ZNF428: variants seen among roughly 807,000 people sequenced by gnomAD.
ZNF428 encodes the protein zinc finger protein 428, also known as enzyme-like protein PIT13.
Under a neutral mutation model 15.6 loss-of-function variants are expected in ZNF428, and 5 were observed. That is an observed-to-expected ratio of 0.32 (90% CI 0.17 to 0.67). The LOEUF is 0.67. Ranked by LOEUF, ZNF428 falls within the 30% of genes least tolerant of loss-of-function variation. ZNF428 has a pLI of 0.73. For synonymous variants in ZNF428, 97 were observed against 102.2 expected, an observed-to-expected ratio of 0.95 and a Z score of 0.31; for missense variants, 237 against 256.0, an observed-to-expected ratio of 0.93 and a Z score of 0.51.
intron 2 of ZNF428, chr19:43,613,180 C>T (rs1388570970): frequency 2.6e-6 from 4 of 1,551,704 alleles, no homozygotes; most frequent in Non-Finnish European, 3.5e-6. Context: ...GAAGAAGTCA[C>T]AACTGGTCTA....
intron 2 of ZNF428, among the ~76,000 whole-genome samples, chr19:43,611,234 T>C (rs991427605): frequency 2.6e-5 from 4 of 152,036 alleles, no homozygotes; most frequent in African/African-American, 9.7e-5. Flanking sequence ...GCAGAGGACG[T>C]GTGGGTGAGT....
In ZNF428 at chr19:43,612,301, C is replaced by T; in HGVS notation, c.76+1928G>A. The stretch of plus-strand genomic sequence containing the variant: ...CCCGTAACTCAGTCATGAGCCCAAG[C>T]AGTTCCAAGTCCACCAAATCGACCA... On this transcript the variant is annotated intron_variant, in intron 2 of 2. Coordinates refer to ENST00000300811, the MANE Select transcript of ZNF428 (RefSeq NM_182498.4). This position sits in a 1 kb window ranked among gnomAD's most constrained non-coding sequence, Gnocchi z 4.2. 1 of 1,551,748 alleles carries T rather than the reference C, an allele frequency of 6.4e-7. No homozygotes were observed. Among genetic ancestry groups the T allele is most frequent in the Non-Finnish European group, 8.7e-7 (1 of 1,147,004 alleles).
rs1973247427 is a variant in ZNF428 at position 43,607,321 on chromosome 19, T to A, written c.*296A>T. On this transcript the variant is annotated 3_prime_UTR_variant, in exon 3 of 3. Transcript: ENST00000300811. The surrounding 1 kb of genome is among the most constrained non-coding windows in gnomAD (Gnocchi z 5.1). ...ATCGAATACAAGCACGCAGTAAATG[T>A]TATCTTTCCCAAAAGACCCCAAGGT... 5.3e-6 allele frequency: 2 copies of A among 378,120 alleles called. No individual in the cohort carries two copies. Among genetic ancestry groups the A allele is most frequent in the Non-Finnish European group, 9.4e-6 (2 of 211,868 alleles). The allele number at this position is 378,120 out of a possible 1,614,324, so 23.4% of individuals were successfully genotyped here. A position where few individuals can be genotyped will look rare whatever the true frequency, so the allele number is the denominator to read the frequency against.
In ZNF428 at chr19:43,619,162, A is replaced by G. The variant is rs566155788; in HGVS notation, c.-131+396T>C. 2.6e-5 allele frequency among the ~76,000 whole-genome samples: 4 copies of G among 152,296 alleles called. No homozygotes were observed. In the East Asian group the frequency reaches 7.7e-4, roughly 29 times the overall value. On this transcript the variant is annotated intron_variant, in intron 1 of 2. Transcript: ENST00000300811. Reference sequence around the variant, plus strand: ...GGGACAATAACGGCCAGTTCCCACAATTCGTTGTGGCAGTTCTTCCCAGGA... The same window carrying G: ...GGGACAATAACGGCCAGTTCCCACAGTTCGTTGTGGCAGTTCTTCCCAGGA...
chr19:43,612,058 C>A lies in ZNF428; in HGVS notation c.76+2171G>T. On this transcript the variant is annotated intron_variant, in intron 2 of 2. Transcript: ENST00000300811. This position sits in a 1 kb window ranked among gnomAD's most constrained non-coding sequence, Gnocchi z 4.2. ...TGTGACAGGCAATCAGGTCATCGTC[C>A]ACGGCTACCAGGTGTTTCATGTCTA... 1 of 1,264,170 alleles carries A rather than the reference C, an allele frequency of 7.9e-7. No individual in the cohort carries two copies. The highest frequency in any genetic ancestry group is 1.1e-6 in the Non-Finnish European group (1 of 895,010). The allele number at this position is 1,264,170 out of a possible 1,614,324, so 78.3% of individuals were successfully genotyped here. A position where few individuals can be genotyped will look rare whatever the true frequency, so the allele number is the denominator to read the frequency against.
At chr19:43,611,926 T>G in intron 2 of ZNF428, 1 of 605,978 alleles carries the variant, frequency 1.7e-6, no homozygotes, top group African/African-American at 1.9e-5. Flanking sequence ...AGAGGAAATA[T>G]CTCCAGCCTC....
chr19:43,613,092 G>A (rs1191558140), intron 2 of ZNF428: 1 of 1,551,554 alleles, frequency 6.4e-7, no homozygotes, highest in Non-Finnish European at 8.7e-7. Context: ...GGAATTCTGA[G>A]CCAGATGGGA....
In ZNF428 at chr19:43,612,267, C is replaced by T. The variant is rs1973305897; in HGVS notation, c.76+1962G>A. On this transcript the variant is annotated intron_variant, in intron 2 of 2. Transcript: ENST00000300811. This position sits in a 1 kb window ranked among gnomAD's most constrained non-coding sequence, Gnocchi z 4.2. Reference sequence around the variant, plus strand: ...AACAGATCCTTAGTGCCCACCAAACCAGCGACATCCCGTAACTCAGTCATG... The same window carrying T: ...AACAGATCCTTAGTGCCCACCAAACTAGCGACATCCCGTAACTCAGTCATG... The T allele has an allele frequency of 6.4e-7, 1 of 1,551,594 alleles. No individual in the cohort carries two copies. The highest frequency in any genetic ancestry group is 1.4e-5 in the African/African-American group (1 of 73,034).
intron 2 of ZNF428, chr19:43,613,565 GAA>G: frequency 6.4e-7 from 1 of 1,551,558 alleles, no homozygotes; most frequent in East Asian, 2.4e-5. Context: ...CCCCAGCAAG[GAA>G]AGAGATCACA....
In ZNF428 at chr19:43,615,928, G is replaced by A. The variant is rs573981309; in HGVS notation, c.-130-1494C>T. Among the ~76,000 whole-genome samples, 6 of 152,284 alleles carry A rather than the reference G, an allele frequency of 3.9e-5. No individual in the cohort carries two copies. The South Asian group carries it at 8.3e-4, about 21-fold the overall frequency. On this transcript the variant is annotated intron_variant, in intron 1 of 2. Transcript: ENST00000300811. ...AAACCCAGTCCTCTTGGGTTTTTAC[G>A]GAGGCTTTAAGACAGCAGCATTGGG...
chr19:43,617,335 T>C (rs1352188912), intron 1 of ZNF428, among the ~76,000 whole-genome samples: 1 of 152,042 alleles, frequency 6.6e-6, no homozygotes, highest in African/African-American at 2.4e-5. Context: ...GCAGGGCCAG[T>C]TGATGCAGCC....
intron 2 of ZNF428, 65 bp from the exon 3 acceptor site, chr19:43,608,172 C>G: frequency 1.9e-6 from 3 of 1,547,790 alleles, no homozygotes; most frequent in East Asian, 4.5e-5. Context: ...CAAGCTGTCC[C>G]CTCCCTGAAT....
chr19:43,613,571 G>T lies in ZNF428; in HGVS notation c.76+658C>A, dbSNP rs914005057. ...ATCTAGAAGCCCCAGCAAGGAAAGA[G>T]ATCACAGCCAACTTGGAAGCCCCAG... On this transcript the variant is annotated intron_variant, in intron 2 of 2. Transcript: ENST00000300811. The T allele has an allele frequency of 1.9e-6, 3 of 1,551,158 alleles. No individual in the cohort carries two copies. The African/African-American group carries it at 4.1e-5, about 21-fold the overall frequency.
chr19:43,613,988 C>T (rs1227453471), intron 2 of ZNF428: 8 of 1,551,682 alleles, frequency 5.2e-6, no homozygotes, highest in Non-Finnish European at 7.0e-6. Context: ...ATCTAGAACC[C>T]CCAGCAAAGA....
chr19:43,607,396 AACACACACACGGGCGGGAATACACAC>A lies in ZNF428; in HGVS notation c.*195_*220del, dbSNP rs1354545810. Reference sequence around the variant, plus strand: ...ATACACACACACACACACACACACAAACACACACACGGGCGGGAATACACACACACACACACACACTCTGAACCAAC... The same window carrying A: ...ATACACACACACACACACACACACAAACACACACACACACTCTGAACCAAC... On this transcript the variant is annotated 3_prime_UTR_variant, in exon 3 of 3. Coordinates refer to ENST00000300811, the MANE Select transcript of ZNF428 (RefSeq NM_182498.4). The surrounding 1 kb of genome is among the most constrained non-coding windows in gnomAD (Gnocchi z 5.1). The A allele has an allele frequency of 5.7e-5, 30 of 528,920 alleles. No homozygotes were observed. The African/African-American group carries it at 6.2e-4, about 11-fold the overall frequency. 32.8% of individuals were successfully genotyped at this position (528,920 alleles called of 1,614,324 possible).
At chr19:43,616,182 A>G (rs1176806194) in intron 1 of ZNF428, among the ~76,000 whole-genome samples, 1 of 152,204 alleles carries the variant, frequency 6.6e-6, no homozygotes, top group African/African-American at 2.4e-5. Context: ...TTATATATAT[A>G]ATACCACAAG....
At chr19:43,611,423 G>A (rs1973296040) in intron 2 of ZNF428, among the ~76,000 whole-genome samples, 1 of 151,888 alleles carries the variant, frequency 6.6e-6, no homozygotes, top group African/African-American at 2.4e-5. Context: ...AGGTTCAAGC[G>A]ATCCTCCCAC....
chr19:43,612,920 AAG>A lies in ZNF428; in HGVS notation c.76+1307_76+1308del. The A allele has an allele frequency of 6.4e-7, 1 of 1,551,732 alleles. No homozygotes were observed. The highest frequency in any genetic ancestry group is 8.7e-7 in the Non-Finnish European group (1 of 1,146,984). The stretch of plus-strand genomic sequence containing the variant: ...CCCCACTGAAATGTCCAGCAGGGTC[AAG>A]AGTTATAACCAGGCCAGCACCCGCA... On this transcript the variant is annotated intron_variant, in intron 2 of 2. Coordinates refer to ENST00000300811, the MANE Select transcript of ZNF428 (RefSeq NM_182498.4). The surrounding 1 kb of genome is among the most constrained non-coding windows in gnomAD (Gnocchi z 4.2).
At chr19:43,608,584 T>C (rs753231454) in intron 2 of ZNF428, 97 of 154,364 alleles carry the variant, frequency 6.3e-4, no homozygotes, top group Admixed American at 1.5e-3. Flanking sequence ...TGAGCCATGA[T>C]TGCGCCACTC....
Sources: gnomAD v4.1 joint callset for allele counts (sites outside exome capture counted in the v4.1 genomes callset) on GRCh38, gnomAD v4.1.1 for gene constraint, Gnocchi (gnomAD v3.1) non-coding constraint, MANE v1.5 for transcripts, NCBI Gene and HGNC (gene_info 2026-07-23, HGNC 2026-07-21) for gene names.